Variants in GREB1L observed in about 807,000 individuals in gnomAD.
GREB1L encodes GREB1-like protein.
GREB1L carries 17 observed loss-of-function variants against 200.8 expected under a neutral mutation model. The observed-to-expected ratio is 0.08, with a 90% CI of 0.06 to 0.13. The LOEUF is 0.13. Ranked by LOEUF, GREB1L falls within the 10% of genes least tolerant of loss-of-function variation. The probability of loss-of-function intolerance (pLI) is 1.00; values close to 1 mark genes in which losing one functional copy is unlikely to be tolerated. For missense variants in GREB1L, 1,657 were observed against 2,367.7 expected, an observed-to-expected ratio of 0.70 and a Z score of 6.23; for synonymous variants, 789 against 893.0, an observed-to-expected ratio of 0.88 and a Z score of 2.08.
intron 1 of GREB1L, among the ~76,000 whole-genome samples, chr18:21,313,256 G>A (rs1429779619): frequency 3.3e-5 from 5 of 151,868 alleles, no homozygotes; most frequent in East Asian, 1.9e-4. Flanking sequence ...GAAGGTAATC[G>A]CCATACAAAA....
At chr18:21,314,994 T>C (rs779778607) in intron 1 of GREB1L, among the ~76,000 whole-genome samples, 1 of 152,208 alleles carries the variant, frequency 6.6e-6, no homozygotes, top group Non-Finnish European at 1.5e-5. Flanking sequence ...TTAATGTAGG[T>C]CAGTGGATTT....
intron 1 of GREB1L, among the ~76,000 whole-genome samples, chr18:21,313,007 T>A (rs959576627): frequency 1.3e-5 from 2 of 152,152 alleles, no homozygotes; most frequent in Admixed American, 6.5e-5. Context: ...ATTTGCCCAC[T>A]TTTTAATTGT....
At chr18:21,335,207 T>G (rs2039166284) in intron 1 of GREB1L, among the ~76,000 whole-genome samples, 1 of 152,210 alleles carries the variant, frequency 6.6e-6, no homozygotes, top group Admixed American at 6.5e-5. Flanking sequence ...ACGGTAAACG[T>G]TTTTTAAATG....
chr18:21,337,560 A>C (rs1346221227), intron 1 of GREB1L, among the ~76,000 whole-genome samples: 2 of 152,218 alleles, frequency 1.3e-5, no homozygotes, highest in Non-Finnish European at 2.9e-5. Flanking sequence ...CACTTTGTGA[A>C]CAGAACCATA....
At chr18:21,359,007 A>G (rs1478556930) in intron 1 of GREB1L, among the ~76,000 whole-genome samples, 1 of 152,240 alleles carries the variant, frequency 6.6e-6, no homozygotes, top group African/African-American at 2.4e-5. Context: ...AGAGACCACC[A>G]TAAATGTTTT....
rs67061918 is a variant in GREB1L at position 21,278,389 on chromosome 18, A to AAAATAAAT, written c.-120+36032_-120+36039dup. On this transcript the variant is annotated intron_variant, in intron 1 of 32. Transcript: ENST00000424526. The stretch of plus-strand genomic sequence containing the variant: ...GAGCAAGACTCCATCTCAAAAAAAA[A>AAAATAAAT]AAATAAATAAATAAATAAATAAATA... Among the ~76,000 whole-genome samples, 255 of 125,606 alleles carry AAAATAAAT rather than the reference A, an allele frequency of 2.0e-3. 3 individuals are homozygous for AAAATAAAT. Among genetic ancestry groups the AAAATAAAT allele is most frequent in the Middle Eastern group, 4.1e-3 (1 of 242 alleles). 82.4% of individuals were successfully genotyped at this position (125,606 alleles called of 152,430 possible).
At chr18:21,456,950 G>A (rs981264618) in intron 15 of GREB1L, among the ~76,000 whole-genome samples, 20 of 151,962 alleles carry the variant, frequency 1.3e-4, no homozygotes, top group Non-Finnish European at 2.2e-4. Context: ...TATTTTACTT[G>A]TACCATTTGG....
chr18:21,365,135 G>T (rs539152937), intron 1 of GREB1L, among the ~76,000 whole-genome samples: 1 of 151,582 alleles, frequency 6.6e-6, no homozygotes, highest in Admixed American at 6.6e-5. Context: ...TTTCAAGTCG[G>T]CATAAGAGAA....
At chr18:21,399,214 T>C (rs1312042867) in intron 5 of GREB1L, among the ~76,000 whole-genome samples, 1 of 152,226 alleles carries the variant, frequency 6.6e-6, no homozygotes, top group Admixed American at 6.5e-5. Flanking sequence ...TTCTTGATTA[T>C]TTTGGCTGAA....
chr18:21,251,383 A>G (rs1445168170), intron 1 of GREB1L, among the ~76,000 whole-genome samples: 1 of 152,204 alleles, frequency 6.6e-6, no homozygotes, highest in South Asian at 2.1e-4. Flanking sequence ...ACATAACTCT[A>G]AGTTAACTGG....
chr18:21,508,065 TTG>T (rs1326134483), intron 25 of GREB1L, 51 bp from the exon 26 acceptor site: 2 of 1,516,086 alleles, frequency 1.3e-6, no homozygotes, highest in African/African-American at 1.4e-5. Context: ...GCCTGGAAGT[TTG>T]GAAACTGTGG....
At chr18:21,421,736 G>C (rs2032165987) in intron 7 of GREB1L, among the ~76,000 whole-genome samples, 1 of 152,164 alleles carries the variant, frequency 6.6e-6, no homozygotes, top group Non-Finnish European at 1.5e-5. Flanking sequence ...CAGACTGTAA[G>C]GAGGGTTAAT....
At chr18:21,443,295 T>G (rs530446804) in intron 10 of GREB1L, among the ~76,000 whole-genome samples, 1 of 152,236 alleles carries the variant, frequency 6.6e-6, no homozygotes, top group South Asian at 2.1e-4. Flanking sequence ...CTCTGCCTCC[T>G]GGGTTCAAGC....
At chr18:21,334,521 T>TA (rs1555628868) in intron 1 of GREB1L, among the ~76,000 whole-genome samples, 1 of 152,192 alleles carries the variant, frequency 6.6e-6, no homozygotes, top group South Asian at 2.1e-4. Flanking sequence ...TCTTGCTGGA[T>TA]AAAAAAATCA....
chr18:21,342,813 A>G (rs2039288306), intron 1 of GREB1L, among the ~76,000 whole-genome samples: 1 of 152,146 alleles, frequency 6.6e-6, no homozygotes, highest in Admixed American at 6.5e-5. Flanking sequence ...CTTGTTTTCC[A>G]TATAATTTTT....
chr18:21,289,813 G>T (rs1165027820), intron 1 of GREB1L, among the ~76,000 whole-genome samples: 2 of 152,002 alleles, frequency 1.3e-5, no homozygotes, highest in South Asian at 2.1e-4. Flanking sequence ...ATTTTTGATG[G>T]TGATATGCCA....
chr18:21,457,092 C>A (rs2034801526), intron 15 of GREB1L, among the ~76,000 whole-genome samples: 1 of 152,212 alleles, frequency 6.6e-6, no homozygotes, highest in African/African-American at 2.4e-5. Flanking sequence ...GTGACCTGCA[C>A]TTTCACCTTT....
chr18:21,312,629 C>T (rs2038809743), intron 1 of GREB1L, among the ~76,000 whole-genome samples: 1 of 152,062 alleles, frequency 6.6e-6, no homozygotes, highest in Non-Finnish European at 1.5e-5. Flanking sequence ...TCTCGGCTCA[C>T]TGCAACCTCC....
intron 1 of GREB1L, among the ~76,000 whole-genome samples, chr18:21,363,362 G>T (rs2039611499): frequency 6.9e-6 from 1 of 144,116 alleles, no homozygotes; most frequent in Non-Finnish European, 1.5e-5. Context: ...AAAGCATTGG[G>T]TGGGGAAAAG....
Sources: allele counts gnomAD v4.1 joint callset (sites outside exome capture counted in the v4.1 genomes callset), GRCh38; gene constraint gnomAD v4.1.1; transcripts MANE v1.5; gene names NCBI Gene and HGNC (gene_info 2026-07-23, HGNC 2026-07-21).